Variants in FSTL5 observed in about 807,000 individuals in gnomAD.
The protein encoded by FSTL5 is follistatin-related protein 5.
In FSTL5, 62 loss-of-function variants were observed where a neutral mutation model predicts 89.1. The ratio of observed to expected loss-of-function variants is 0.70; its 90% confidence interval spans 0.57 to 0.86. FSTL5 has a LOEUF of 0.86. Among genes scored for constraint, FSTL5 ranks in the 40% least tolerant of loss-of-function variants. The pLI is 0.00. For synonymous variants in FSTL5, 383 were observed against 346.2 expected (o/e 1.11, Z -1.18); for missense variants, 1,057 against 1,001.6 (o/e 1.06, Z -0.75).
chr4:162,067,412 T>C (rs1000119182), intron 2 of FSTL5, among the ~76,000 whole-genome samples: 3 of 152,072 alleles, frequency 2.0e-5, no homozygotes, highest in Non-Finnish European at 4.4e-5. Flanking sequence ...GATTCCATGT[T>C]TTTGCTATTG....
Position 161,684,616 on chromosome 4 carries a change from GT to G in FSTL5, c.728-28123del, listed in dbSNP as rs375601146. Among the ~76,000 whole-genome samples, 1,050 of 152,044 alleles carry G rather than the reference GT, an allele frequency of 6.9e-3. 14 individuals carry two copies. Among genetic ancestry groups the G allele is most frequent in the African/African-American group, 0.023 (974 of 41,486 alleles). ...CCTTAGCCCACTTTTTGATGTGATT[GT>G]TTTTTTCTTGTTGATTTGTTTGAGT... On this transcript the variant is annotated intron_variant, in intron 6 of 15. Transcript: ENST00000306100.
intron 8 of FSTL5, among the ~76,000 whole-genome samples, chr4:161,581,320 G>A (rs182191203): frequency 6.6e-6 from 1 of 152,198 alleles, no homozygotes; most frequent in East Asian, 1.9e-4. Flanking sequence ...CAATCACTGA[G>A]CTAGGGTAAC....
At chr4:161,865,452 A>G (rs1296268959) in intron 4 of FSTL5, among the ~76,000 whole-genome samples, 1 of 152,194 alleles carries the variant, frequency 6.6e-6, no homozygotes, top group East Asian at 1.9e-4. Flanking sequence ...TAAACATACA[A>G]TCAGTGATGT....
In FSTL5 at chr4:162,091,002, C is replaced by T. The variant is rs116966197; in HGVS notation, c.126+20269G>A. Among the ~76,000 whole-genome samples, 178 of 152,246 alleles carry T rather than the reference C, an allele frequency of 1.2e-3. 1 individual carries two copies. In the East Asian group the frequency reaches 0.012, roughly 10 times the overall value. ...CTCATGTTTTTAAACTGAGTCACTG[C>T]CTCTGCCTTCTTCTTCTATATGTTA... is the stretch of plus-strand genomic sequence containing the variant. On this transcript the variant is annotated intron_variant, in intron 2 of 15. Transcript: ENST00000306100.
chr4:162,040,470 G>A (rs1006244540), intron 2 of FSTL5, among the ~76,000 whole-genome samples: 2 of 151,706 alleles, frequency 1.3e-5, no homozygotes, highest in South Asian at 2.1e-4. Flanking sequence ...TCACACACAC[G>A]TGCACACACT....
intron 4 of FSTL5, among the ~76,000 whole-genome samples, chr4:161,860,220 G>A (rs1010611820): frequency 5.9e-5 from 9 of 151,986 alleles, no homozygotes; most frequent in African/African-American, 1.7e-4. Context: ...CCCGGGAGGC[G>A]GAGCTTGCAG....
intron 2 of FSTL5, among the ~76,000 whole-genome samples, chr4:162,101,180 A>C (rs1730983319): frequency 6.6e-6 from 1 of 152,196 alleles, no homozygotes; most frequent in Admixed American, 6.5e-5. Flanking sequence ...ACCTCCTATA[A>C]AGCAAACTTT....
intron 5 of FSTL5, among the ~76,000 whole-genome samples, chr4:161,766,648 AC>A (rs1165383030): frequency 6.6e-6 from 1 of 152,134 alleles, no homozygotes; most frequent in Non-Finnish European, 1.5e-5. Flanking sequence ...TATATTCTTC[AC>A]CATACTGACT....
intron 10 of FSTL5, among the ~76,000 whole-genome samples, chr4:161,517,077 T>A (rs1730869325): frequency 6.6e-6 from 1 of 152,034 alleles, no homozygotes; most frequent in Non-Finnish European, 1.5e-5. Flanking sequence ...TTCATAGAGA[T>A]GGGGTTTCAC....
In FSTL5 at chr4:162,049,042, A is replaced by C. The variant is rs150045720; in HGVS notation, c.127-15384T>G. Among the ~76,000 whole-genome samples, 17 of 152,322 alleles carry C rather than the reference A, an allele frequency of 1.1e-4. No homozygotes were observed. The East Asian group carries it at 2.1e-3, about 19-fold the overall frequency. ...ATATGGTAATTCCTTGAAAAGCTAC[A>C]AATTTATATCTCTGGGGAATATATA... On this transcript the variant is annotated intron_variant, in intron 2 of 15. Coordinates refer to ENST00000306100, the MANE Select transcript of FSTL5 (RefSeq NM_020116.5).
chr4:161,846,575 G>A (rs1005123152), intron 4 of FSTL5, among the ~76,000 whole-genome samples: 19 of 152,082 alleles, frequency 1.2e-4, no homozygotes, highest in Non-Finnish European at 1.2e-4. Context: ...TGAAGAGAAT[G>A]CACATTCATT....
chr4:162,123,413 G>A (rs1731946049), intron 1 of FSTL5, among the ~76,000 whole-genome samples: 1 of 152,204 alleles, frequency 6.6e-6, no homozygotes, highest in Non-Finnish European at 1.5e-5. Flanking sequence ...ATCCCAGAAA[G>A]AGAGATGTGG....
intron 3 of FSTL5, among the ~76,000 whole-genome samples, chr4:162,026,633 T>C (rs1737307409): frequency 6.6e-6 from 1 of 152,080 alleles, no homozygotes; most frequent in Non-Finnish European, 1.5e-5. Context: ...TAGAAAGCAT[T>C]TAGCTCTCTG....
chr4:161,507,855 T>A (rs918799748), intron 11 of FSTL5, among the ~76,000 whole-genome samples: 4 of 151,946 alleles, frequency 2.6e-5, no homozygotes, highest in African/African-American at 9.7e-5. Flanking sequence ...TATAGATGAG[T>A]TCAATGGCAT....
intron 7 of FSTL5, among the ~76,000 whole-genome samples, chr4:161,649,077 C>T (rs1337327465): frequency 6.6e-6 from 1 of 152,132 alleles, no homozygotes; most frequent in Non-Finnish European, 1.5e-5. Flanking sequence ...CTAATGCAAA[C>T]TATATTGACC....
chr4:161,613,730 T>A (rs1376867637), intron 7 of FSTL5, among the ~76,000 whole-genome samples: 1 of 152,214 alleles, frequency 6.6e-6, no homozygotes, highest in East Asian at 1.9e-4. Flanking sequence ...CCTCAGCATC[T>A]TTTAAATTAT....
chr4:161,589,319 G>A (rs1733727819), intron 7 of FSTL5, among the ~76,000 whole-genome samples: 2 of 151,874 alleles, frequency 1.3e-5, no homozygotes, highest in Non-Finnish European at 2.9e-5. Context: ...GATTACAGGT[G>A]CTACAGGCTT....
intron 3 of FSTL5, among the ~76,000 whole-genome samples, chr4:161,978,358 C>T (rs1399774190): frequency 1.3e-5 from 2 of 151,928 alleles, no homozygotes; most frequent in African/African-American, 4.8e-5. Context: ...AAACAAAAAA[C>T]CCTTTTACTG....
At chr4:162,008,754 G>A (rs2111124645) in intron 3 of FSTL5, among the ~76,000 whole-genome samples, 1 of 151,908 alleles carries the variant, frequency 6.6e-6, no homozygotes, top group Admixed American at 6.6e-5. Context: ...ATGACTTTAG[G>A]CCATTCTTTT....
Sources: gnomAD v4.1 joint callset for allele counts (sites outside exome capture counted in the v4.1 genomes callset) on GRCh38, gnomAD v4.1.1 for gene constraint, MANE v1.5 for transcripts, NCBI Gene and HGNC (gene_info 2026-07-23, HGNC 2026-07-21) for gene names.